CPVL: variants seen among roughly 807,000 people sequenced by gnomAD.
The protein encoded by CPVL is carboxypeptidase vitellogenic like.
A neutral mutation model predicts 63.7 loss-of-function variants in CPVL; 51 were observed. The ratio of observed to expected loss-of-function variants is 0.80; its 90% CI spans 0.64 to 1.01. The LOEUF is 1.01. Among genes scored for constraint, CPVL ranks in the 50% least tolerant of loss-of-function variants. The pLI, the probability that CPVL is intolerant of heterozygous loss-of-function variation, is 0.00. For synonymous variants in CPVL, 195 were observed against 206.0 expected, an observed-to-expected ratio of 0.95 and a Z score of 0.46; for missense variants, 530 against 573.1, an observed-to-expected ratio of 0.92 and a Z score of 0.77.
intron 12 of CPVL, chr7:29,010,640 A>T (rs966793011): frequency 6.6e-6 from 1 of 152,146 alleles, no homozygotes; most frequent in African/African-American, 2.4e-5. Context: ...ACAATATTGA[A>T]CTCATTTCAT....
chr7:29,099,252 A>T (rs866636989), intron 3 of CPVL, among the ~76,000 whole-genome samples: 2 of 151,744 alleles, frequency 1.3e-5, no homozygotes, highest in Admixed American at 6.5e-5. Context: ...GATGGCTTGA[A>T]CACAATCTAT....
chr7:29,029,036 C>A (rs537126126), intron 12 of CPVL, among the ~76,000 whole-genome samples: 1 of 151,324 alleles, frequency 6.6e-6, no homozygotes, highest in African/African-American at 2.4e-5. Flanking sequence ...TACAGGTGCC[C>A]AACAGGTATA....
Position 28,995,812 on chromosome 7 carries a change from C to T in CPVL, c.1391G>A (p.Arg464Gln), listed in dbSNP as rs147771477. 6,660 of 1,606,928 alleles carry T rather than the reference C, an allele frequency of 4.1e-3. 21 individuals are homozygous for T. The highest frequency in any genetic ancestry group is 5.2e-3 in the Non-Finnish European group (6,110 of 1,177,654). ...ATCCCATCCTTTTCCATAAATGAAT[C>T]GATTAATCATGTCAAAAGCTCTCAG... ...QPLRAFDMIN[R>Q]FIYGKGWDPY... Residue 464 changes from arginine to glutamine, a missense_variant, in exon 13 of 13, where the codon CGA becomes CAA. Transcript: ENST00000265394.
intron 5 of CPVL, among the ~76,000 whole-genome samples, chr7:29,168,825 A>T (rs892649288): frequency 1.3e-5 from 2 of 152,248 alleles, no homozygotes; most frequent in Non-Finnish European, 2.9e-5. Context: ...TGTACTACTA[A>T]GTATGTATTA....
At chr7:29,023,572 G>C (rs891525358) in intron 12 of CPVL, among the ~76,000 whole-genome samples, 1 of 152,142 alleles carries the variant, frequency 6.6e-6, no homozygotes, top group Non-Finnish European at 1.5e-5. Context: ...ACTCAGACCT[G>C]CTTCTACCAG....
At chr7:29,057,676 G>C (rs774561255) in intron 11 of CPVL, among the ~76,000 whole-genome samples, 2 of 152,140 alleles carry the variant, frequency 1.3e-5, no homozygotes, top group Non-Finnish European at 2.9e-5. Flanking sequence ...ATTTTTGTGA[G>C]GGGTGTAAGA....
intron 7 of CPVL, among the ~76,000 whole-genome samples, chr7:29,083,939 T>TC (rs979453177): frequency 6.6e-6 from 1 of 152,156 alleles, no homozygotes; most frequent in African/African-American, 2.4e-5. Flanking sequence ...CCTTTTTTTT[T>TC]CTTTTTTCAA....
chr7:29,096,984 C>CAAAAAAAAAA (rs1165892123), intron 3 of CPVL, among the ~76,000 whole-genome samples: 2 of 51,192 alleles, frequency 3.9e-5, no homozygotes, highest in African/African-American at 7.0e-5. Context: ...GACTCTGTCT[C>CAAAAAAAAAA]AAAAAAAAAA....
At chr7:29,000,711 T>G (rs1290042482) in intron 12 of CPVL, among the ~76,000 whole-genome samples, 2 of 152,152 alleles carry the variant, frequency 1.3e-5, no homozygotes, top group African/African-American at 4.8e-5. Flanking sequence ...TAAAATACAC[T>G]TAACATAAAA....
rs992337595 is a variant in CPVL, at chr7:29,192,446, A to G, written c.-448+2631T>C. ...TTTTGTGAAATTTCAGAGATGAATA[A>G]TGAAACCTGTTACCCTATTGCACAA... On this transcript the variant is annotated intron_variant, in intron 1 of 16. Coordinates refer to the CPVL transcript ENST00000409850. 3 of 152,274 alleles carry G rather than the reference A, an allele frequency of 2.0e-5. No individual in the cohort carries two copies. In the East Asian group the frequency reaches 5.8e-4, roughly 29 times the overall value. The allele number at this position is 152,274 out of a possible 1,614,324, so 9.4% of individuals were successfully genotyped here. A position where few individuals can be genotyped will look rare whatever the true frequency, so the allele number is the denominator to read the frequency against.
intron 1 of CPVL, among the ~76,000 whole-genome samples, chr7:29,134,149 T>G (rs6966319): frequency 0.14 from 21,123 of 152,218 alleles, 2,026 homozygotes; most frequent in African/African-American, 0.27. Context: ...CCCCAGCCCC[T>G]TGAACACTCA....
chr7:29,159,394 T>C (rs1794874595), intron 5 of CPVL, among the ~76,000 whole-genome samples: 1 of 152,240 alleles, frequency 6.6e-6, no homozygotes, highest in African/African-American at 2.4e-5. Flanking sequence ...TGAATTATTC[T>C]ATACCAGAAT....
At chr7:29,113,621 T>C (rs2021551) in intron 2 of CPVL, 36,992 of 152,070 alleles carry the variant, frequency 0.24, 4,555 homozygotes, top group African/African-American at 0.27. Flanking sequence ...GTGGGAAGTA[T>C]AATTCTCATT....
rs147774594 is a variant in CPVL, at chr7:29,086,498, A to G, written c.595T>C (p.Tyr199His). The G allele has an allele frequency of 1.7e-5, 28 of 1,611,674 alleles. No individual in the cohort carries two copies. Among genetic ancestry groups the G allele is most frequent in the Non-Finnish European group, 2.4e-5 (28 of 1,177,960 alleles). The change falls in exon 7 of 13, where the codon TAT becomes CAT. Residue 199 changes from tyrosine to histidine, a missense_variant. Transcript: ENST00000265394. ...CTTCTACTTACCTCCCCAGTGACAT[A>G]AAAGTCATTATTTTTATATTCAGGA... The part of the protein sequence containing the change: ...IFPEYKNNDF[Y>H]VTGESYAGKY...
intron 2 of CPVL, among the ~76,000 whole-genome samples, chr7:29,185,752 C>G (rs545862916): frequency 6.6e-6 from 1 of 152,268 alleles, no homozygotes; most frequent in East Asian, 1.9e-4. Context: ...AACCATCGCC[C>G]TAGGACCTTT....
intron 12 of CPVL, among the ~76,000 whole-genome samples, chr7:29,008,422 A>G (rs549006414): frequency 6.6e-6 from 1 of 152,340 alleles, no homozygotes; most frequent in South Asian, 2.1e-4. Context: ...AGACTAGTTA[A>G]GACTAGGCAA....
chr7:29,067,079 T>C lies in CPVL; in HGVS notation c.865-958A>G, dbSNP rs1285163648. ...TTGCAGGGCTGTAAGATCAGTACAT[T>C]AGCAGAAGAGATTCGGACAGGAGGT... is the stretch of plus-strand genomic sequence containing the variant. On this transcript the variant is annotated intron_variant, in intron 9 of 12. Coordinates refer to ENST00000265394, the MANE Select transcript of CPVL (RefSeq NM_031311.5). Among the ~76,000 whole-genome samples, 8 of 152,156 alleles carry C rather than the reference T, an allele frequency of 5.3e-5. No homozygotes were observed. The East Asian group carries it at 1.2e-3, about 22-fold the overall frequency.
intron 1 of CPVL, among the ~76,000 whole-genome samples, chr7:29,130,144 G>A (rs1030821117): frequency 3.3e-5 from 5 of 152,204 alleles, no homozygotes; most frequent in African/African-American, 9.6e-5. Context: ...TACATGAATA[G>A]TGGGGCCATG....
chr7:29,150,324 G>A (rs1715911687), upstream of CPVL, among the ~76,000 whole-genome samples: 1 of 152,214 alleles, frequency 6.6e-6, no homozygotes, highest in South Asian at 2.1e-4. Context: ...TAAGATAGTA[G>A]TACATATAAA....
Sources: allele counts gnomAD v4.1 joint callset (sites outside exome capture counted in the v4.1 genomes callset), GRCh38; gene constraint gnomAD v4.1.1; transcripts MANE v1.5; gene names NCBI Gene and HGNC (gene_info 2026-07-23, HGNC 2026-07-21).